The following NDUFV2 variants were observed in gnomAD, a reference collection of about 807,000 sequenced individuals.
NDUFV2 encodes NADH:ubiquinone oxidoreductase core subunit V2, also known as NADH dehydrogenase [ubiquinone] flavoprotein 2, mitochondrial.
In NDUFV2, 18 loss-of-function variants were observed where a neutral mutation model predicts 31.6. That is an observed-to-expected ratio of 0.57 (90% CI 0.39 to 0.84). The LOEUF (loss-of-function observed/expected upper bound fraction) is 0.84, where lower values mean the gene tolerates loss of function less well. Ranked by LOEUF, NDUFV2 falls within the 40% of genes least tolerant of loss-of-function variation. The pLI is 0.00. For synonymous variants in NDUFV2, 83 were observed against 99.8 expected (o/e 0.83, Z 1.01); for missense variants, 314 against 303.6 (o/e 1.03, Z -0.26).
At chr18:9,119,736 C>T (rs899835997) in intron 4 of NDUFV2, 146 bp downstream of exon 4, 13 of 709,864 alleles carry the variant, frequency 1.8e-5, no homozygotes, top group Non-Finnish European at 2.9e-5. Context: ...CTTGAATTGT[C>T]TTTGTGTTTT....
intron 7 of NDUFV2, among the ~76,000 whole-genome samples, chr18:9,130,826 T>TA (rs2078033696): frequency 6.6e-6 from 1 of 152,218 alleles, no homozygotes; most frequent in South Asian, 2.1e-4. Flanking sequence ...TGCCAGGTCT[T>TA]ACCCTGGCCA....
intron 2 of NDUFV2, among the ~76,000 whole-genome samples, chr18:9,119,001 G>A (rs2077915161): frequency 6.6e-6 from 1 of 151,984 alleles, no homozygotes. Flanking sequence ...AATTGGTAAT[G>A]TTTTGGTAAT....
chr18:9,105,100 A>G (rs1598340270), intron 1 of NDUFV2: 8 of 1,105,574 alleles, frequency 7.2e-6, no homozygotes, highest in Middle Eastern at 2.5e-4. Flanking sequence ...AGGATGTTCT[A>G]TTACTTATAC....
intron 1 of NDUFV2, among the ~76,000 whole-genome samples, chr18:9,108,779 C>G (rs1011640784): frequency 1.3e-5 from 2 of 150,936 alleles, no homozygotes; most frequent in African/African-American, 4.9e-5. Context: ...CAACCTCTGC[C>G]TCCCGGGTTC....
At chr18:9,126,574 A>G in intron 6 of NDUFV2, 2 of 439,202 alleles carry the variant, frequency 4.6e-6, no homozygotes. Flanking sequence ...TGCCTTGGTA[A>G]CTATCTTGTG....
rs768703151 is a variant in NDUFV2 at position 9,122,639 on chromosome 18, C to T, written c.427C>T (p.Arg143Ter). Residue 143 changes from arginine (R) to a stop codon, truncating the protein, a stop_gained, in exon 5 of 8, where the codon CGA (arginine) becomes TGA (stop). Coordinates refer to ENST00000318388, the MANE Select transcript of NDUFV2 (RefSeq NM_021074.5). LOFTEE classifies it high-confidence loss of function. ...QVCTTTPCML[R>*]NSDSILEAIQ... ...CTGCACTACTACACCCTGCATGCTT[C>T]GAAACTCTGACAGCATACTGGAGGC... is the stretch of plus-strand genomic sequence containing the variant. 31 of 1,613,814 alleles carry T rather than the reference C, an allele frequency of 1.9e-5. No individual in the cohort carries two copies. The East Asian group carries it at 3.1e-4, about 16-fold the overall frequency.
chr18:9,115,570 CTT>C (rs2077893929), intron 1 of NDUFV2: 1 of 152,086 alleles, frequency 6.6e-6, no homozygotes. Context: ...AAAATGGACA[CTT>C]GGGGCCAGGC....
intron 4 of NDUFV2, among the ~76,000 whole-genome samples, chr18:9,120,004 A>G (rs906714398): frequency 6.6e-6 from 1 of 152,198 alleles, no homozygotes. Flanking sequence ...GTAGGCTGTA[A>G]GAAAAATCTG....
chr18:9,109,607 C>T (rs1306007041), intron 1 of NDUFV2, among the ~76,000 whole-genome samples: 2 of 152,114 alleles, frequency 1.3e-5, no homozygotes, highest in Non-Finnish European at 2.9e-5. Context: ...TTGCCAGTGA[C>T]AGTAAAAGGG....
intron 2 of NDUFV2, among the ~76,000 whole-genome samples, chr18:9,118,585 T>C (rs568321999): frequency 5.8e-4 from 88 of 152,284 alleles, no homozygotes; most frequent in African/African-American, 1.9e-3. Flanking sequence ...TTATGTCCTT[T>C]AAAAAGCAGA....
chr18:9,134,087 ATAGT>A, intron 7 of NDUFV2, 95 bp from the exon 8 acceptor site: 1 of 831,436 alleles, frequency 1.2e-6, no homozygotes, highest in Non-Finnish European at 2.0e-6. Flanking sequence ...TAGGGTAAAA[ATAGT>A]TACTTAACTG....
chr18:9,124,145 T>A (rs1177408172), intron 5 of NDUFV2, among the ~76,000 whole-genome samples: 1 of 151,626 alleles, frequency 6.6e-6, no homozygotes, highest in Non-Finnish European at 1.5e-5. Flanking sequence ...AAGGAACAAG[T>A]CCACTAAAAA....
intron 7 of NDUFV2, among the ~76,000 whole-genome samples, chr18:9,133,869 A>G (rs770970890): frequency 8.5e-5 from 13 of 152,244 alleles, no homozygotes; most frequent in Non-Finnish European, 1.5e-4. Flanking sequence ...TAACTGTAAA[A>G]TAAAGCCAGT....
chr18:9,127,045 C>T, intron 7 of NDUFV2, 138 bp downstream of exon 7: 2 of 739,998 alleles, frequency 2.7e-6, no homozygotes, highest in Non-Finnish European at 4.8e-6. Context: ...ATATGAATCT[C>T]ATCTAGAGCA....
At chr18:9,116,711 A>G (rs2077899995) in intron 1 of NDUFV2, among the ~76,000 whole-genome samples, 2 of 152,174 alleles carry the variant, frequency 1.3e-5, no homozygotes, top group Non-Finnish European at 2.9e-5. Flanking sequence ...TATCATTTGG[A>G]CCTAGGGTAA....
At chr18:9,128,937 C>G (rs372154215) in intron 7 of NDUFV2, among the ~76,000 whole-genome samples, 1 of 152,064 alleles carries the variant, frequency 6.6e-6, no homozygotes, top group African/African-American at 2.4e-5. Flanking sequence ...CTTCCTCCCC[C>G]CCACTCCTCC....
chr18:9,122,702 G>A (rs1331184133), intron 5 of NDUFV2, 21 bp downstream of exon 5: 1 of 1,612,104 alleles, frequency 6.2e-7, no homozygotes. Context: ...CATGATATTT[G>A]TAACACTGAT....
chr18:9,132,598 C>T (rs890105341), intron 7 of NDUFV2, among the ~76,000 whole-genome samples: 2 of 152,090 alleles, frequency 1.3e-5, no homozygotes, highest in East Asian at 1.9e-4. Context: ...AATTACAGGC[C>T]GGGCACAGTG....
chr18:9,104,245 G>A, intron 1 of NDUFV2: 2 of 1,612,690 alleles, frequency 1.2e-6, no homozygotes. Flanking sequence ...GTTCCCAAAT[G>A]AAATAAGGGA....
Sources: gnomAD v4.1 joint callset for allele counts (sites outside exome capture counted in the v4.1 genomes callset) on GRCh38, gnomAD v4.1.1 for gene constraint, MANE v1.5 for transcripts, NCBI Gene and HGNC (gene_info 2026-07-23, HGNC 2026-07-21) for gene names.